Variants in ADAMTS20 observed in about 807,000 individuals in gnomAD.
ADAMTS20 encodes A disintegrin and metalloproteinase with thrombospondin motifs 20.
ADAMTS20 carries 225 observed loss-of-function variants against 260.1 expected under a neutral mutation model. The observed-to-expected ratio is 0.87, with a 90% CI of 0.78 to 0.97. The LOEUF (loss-of-function observed/expected upper bound fraction) is 0.97. ADAMTS20 is among the 50% of genes least tolerant of loss of function. ADAMTS20 has a pLI of 0.00. For synonymous variants in ADAMTS20, 802 were observed against 769.5 expected (o/e 1.04, Z -0.70); for missense variants, 2,400 against 2,337.7 (o/e 1.03, Z -0.55).
intron 3 of ADAMTS20, among the ~76,000 whole-genome samples, chr12:43,523,704 A>T (rs1943102343): frequency 6.6e-6 from 1 of 152,072 alleles, no homozygotes; most frequent in Non-Finnish European, 1.5e-5. Flanking sequence ...TGTGCAGTAG[A>T]GGAAGCTATG....
At chr12:43,358,761 C>T (rs1336164070) in intron 37 of ADAMTS20, among the ~76,000 whole-genome samples, 2 of 142,152 alleles carry the variant, frequency 1.4e-5, no homozygotes, top group Admixed American at 7.4e-5. Flanking sequence ...GGCGTGAACC[C>T]GGGAGGCGGA....
chr12:43,433,856 A>G, intron 19 of ADAMTS20: 2 of 431,188 alleles, frequency 4.6e-6, no homozygotes, highest in Non-Finnish European at 9.2e-6. Flanking sequence ...GAAATCAATC[A>G]ATTTGATTTC....
At chr12:43,380,717 T>C (rs1458548405) in intron 31 of ADAMTS20, among the ~76,000 whole-genome samples, 1 of 152,140 alleles carries the variant, frequency 6.6e-6, no homozygotes, top group African/African-American at 2.4e-5. Context: ...TTGCACACTA[T>C]AAGACACACT....
intron 37 of ADAMTS20, 71 bp from the exon 38 acceptor site, chr12:43,356,659 A>AGTTGCCC: frequency 3.6e-6 from 4 of 1,096,432 alleles, no homozygotes; most frequent in South Asian, 1.4e-5. Flanking sequence ...AAGTCTTCTC[A>AGTTGCCC]ATTGCAAGGG....
chr12:43,522,675 C>G (rs1312519342), intron 3 of ADAMTS20, among the ~76,000 whole-genome samples: 1 of 152,148 alleles, frequency 6.6e-6, no homozygotes. Flanking sequence ...TCCTTCCTCA[C>G]TTGGGTTTCT....
At position 43,440,301 on chromosome 12, in the gene ADAMTS20, A is replaced by G. The variant is rs1289227294; in HGVS notation, c.2291-232T>C. Among the ~76,000 whole-genome samples, 10 of 152,186 alleles carry G rather than the reference A, an allele frequency of 6.6e-5. No individual in the cohort carries two copies. In the East Asian group the frequency reaches 1.2e-3, roughly 18 times the overall value. Reference sequence around the variant, plus strand: ...GTAGCTGAGATTACAGGCATGCGCCACCACGCCTGGCTAATTTTTGTATTT... The same window carrying G: ...GTAGCTGAGATTACAGGCATGCGCCGCCACGCCTGGCTAATTTTTGTATTT... On this transcript the variant is annotated intron_variant, in intron 16 of 38. Coordinates refer to ENST00000389420, the MANE Select transcript of ADAMTS20 (RefSeq NM_025003.5).
At chr12:43,430,208 A>AT (rs202030722) in intron 23 of ADAMTS20, 144 bp downstream of exon 23, 33,426 of 960,408 alleles carry the variant, frequency 0.035, 635 homozygotes, top group Non-Finnish European at 0.04. Context: ...AACAAATTCT[A>AT]TTTTTTTGCC....
Position 43,452,407 on chromosome 12 carries a change from C to T in ADAMTS20, c.1946G>A (p.Gly649Asp). The change falls in exon 14 of 39, where the codon GGC becomes GAC. Residue 649 changes from glycine to aspartate, a missense_variant. Gly to Asp is a moderately conservative substitution (Grantham distance 94, BLOSUM62 -1). Transcript: ENST00000389420. ...VRWLPRYSGI[G>D]TKDRCKLYCQ... ...ATAGAGTTTACAACGATCCTTTGTG[C>T]CAACTGTAAAAAAGAAAAAGGTCAA... 6.2e-7 allele frequency: 1 copy of T among 1,607,668 alleles called. No homozygotes were observed. The highest frequency in any genetic ancestry group is 1.1e-5 in the South Asian group (1 of 89,480).
At chr12:43,467,312 T>C (rs2137383879) in intron 8 of ADAMTS20, among the ~76,000 whole-genome samples, 1 of 152,148 alleles carries the variant, frequency 6.6e-6, no homozygotes, top group African/African-American at 2.4e-5. Flanking sequence ...CCAACAGAAC[T>C]AGAATAATAA....
At chr12:43,458,251 T>C (rs1434694134) in intron 11 of ADAMTS20, among the ~76,000 whole-genome samples, 4 of 152,204 alleles carry the variant, frequency 2.6e-5, no homozygotes, top group Non-Finnish European at 1.5e-5. Flanking sequence ...TTCTGATAAG[T>C]ATTTCCAAAG....
At chr12:43,440,138 A>ATTT in intron 16 of ADAMTS20, 69 bp from the exon 17 acceptor site, 1 of 1,024,270 alleles carries the variant, frequency 9.8e-7, no homozygotes, top group Admixed American at 3.3e-5. Flanking sequence ...CACTTGTTTA[A>ATTT]CTTTTTTTTT....
chr12:43,502,199 C>A lies in ADAMTS20; in HGVS notation c.820G>T (p.Ala274Ser), dbSNP rs1171969709. The change falls in exon 4 of 39, where the codon GCT (alanine) becomes TCT (serine). Residue 274 changes from alanine (A) to serine (S), a missense_variant. Coordinates refer to ENST00000389420, the MANE Select transcript of ADAMTS20 (RefSeq NM_025003.5). ...MVTADAKVVS[A>S]HGSNLQNYIL... ...TAGTTTTGCAAATTCGATCCATGAG[C>A]AGAAACCACTTTAGCATCAGCTGTA... 6.2e-7 allele frequency: 1 copy of A among 1,609,148 alleles called. No individual in the cohort carries two copies. The highest frequency in any genetic ancestry group is 1.3e-5 in the African/African-American group (1 of 74,768).
chr12:43,370,643 G>A (rs1410442219), intron 36 of ADAMTS20, among the ~76,000 whole-genome samples: 1 of 151,994 alleles, frequency 6.6e-6, no homozygotes, highest in African/African-American at 2.4e-5. Flanking sequence ...ATTCCTATTG[G>A]GCATCATTAC....
Position 43,399,120 on chromosome 12 carries a change from G to C in ADAMTS20, c.4398C>G (p.His1466Gln). 2 of 1,551,584 alleles carry C rather than the reference G, an allele frequency of 1.3e-6. No individual in the cohort carries two copies. The highest frequency in any genetic ancestry group is 2.4e-5 in the South Asian group (2 of 83,900). Residue 1466 changes from histidine (H) to glutamine (Q), a missense_variant, in exon 29 of 39, where the codon CAC (histidine) becomes CAG (glutamine). Coordinates refer to ENST00000389420, the MANE Select transcript of ADAMTS20 (RefSeq NM_025003.5). ...GGCATCTGACAGATCTACAGGCTTT[G>C]TGAGTTGGAGGTTTCTGTACTTGAC... ...NCSQVQKPPTHKACRSVRCPS... is the reference protein window; with the variant it reads ...NCSQVQKPPTQKACRSVRCPS...
chr12:43,529,821 A>G (rs1043745804), intron 3 of ADAMTS20, among the ~76,000 whole-genome samples: 2 of 152,162 alleles, frequency 1.3e-5, no homozygotes, highest in Non-Finnish European at 2.9e-5. Flanking sequence ...TAAGAAGAAT[A>G]TATAAAACCT....
rs776150995 is a variant in ADAMTS20 at position 43,439,908 on chromosome 12, GTTCT to G, written c.2448_2451del (p.Lys816AsnfsTer55). 4 of 1,604,414 alleles carry G rather than the reference GTTCT, an allele frequency of 2.5e-6. No individual in the cohort carries two copies. In the South Asian group the frequency reaches 3.3e-5, roughly 13 times the overall value. On this transcript the variant is annotated frameshift_variant, in exon 17 of 39. Transcript: ENST00000389420. LOFTEE classifies it high-confidence loss of function. ...GACTGAGAATTTACCTGCAAAATAA[GTTCT>G]TTCTCTTGTCGATTAGTACTATTAA... is the stretch of plus-strand genomic sequence containing the variant.
At chr12:43,446,064 C>A (rs1288622983) in intron 15 of ADAMTS20, among the ~76,000 whole-genome samples, 1 of 152,052 alleles carries the variant, frequency 6.6e-6, no homozygotes, top group East Asian at 1.9e-4. Flanking sequence ...TCAAATGTGA[C>A]AATAATTCTG....
chr12:43,434,437 T>A (rs1941510608), intron 18 of ADAMTS20, 66 bp from the exon 19 acceptor site: 9 of 1,485,268 alleles, frequency 6.1e-6, no homozygotes, highest in African/African-American at 1.4e-5. Context: ...TCCATAATTA[T>A]GTAATTCTGC....
At chr12:43,397,372 A>G (rs943213094) in intron 29 of ADAMTS20, among the ~76,000 whole-genome samples, 1 of 152,212 alleles carries the variant, frequency 6.6e-6, no homozygotes. Context: ...ATATTAAGTG[A>G]CACAAGCATA....
Sources: allele counts gnomAD v4.1 joint callset (sites outside exome capture counted in the v4.1 genomes callset), GRCh38; gene constraint gnomAD v4.1.1; transcripts MANE v1.5; gene names NCBI Gene and HGNC (gene_info 2026-07-23, HGNC 2026-07-21).